CLIP4: variants seen among roughly 807,000 people sequenced by gnomAD.
CLIP4 encodes the protein CAP-Gly domain-containing linker protein 4.
Under a neutral mutation model 73.1 loss-of-function variants are expected in CLIP4, and 47 were observed. The observed-to-expected ratio is 0.64, with a 90% CI of 0.51 to 0.82. CLIP4 has a LOEUF of 0.82. CLIP4 is among the 40% of genes least tolerant of loss of function. CLIP4 has a pLI of 0.00. For synonymous variants in CLIP4, 306 were observed against 295.4 expected (o/e 1.04, Z -0.37); for missense variants, 874 against 852.9 (o/e 1.02, Z -0.31).
chr2:29,128,432 G>A (rs1315544027), intron 2 of CLIP4, among the ~76,000 whole-genome samples: 4 of 150,048 alleles, frequency 2.7e-5, no homozygotes, highest in Non-Finnish European at 5.9e-5. Flanking sequence ...CCATGTAGTT[G>A]TTAAAAAAAA....
At chr2:29,175,111 A>C (rs1039195967) in intron 15 of CLIP4, among the ~76,000 whole-genome samples, 3 of 152,174 alleles carry the variant, frequency 2.0e-5, no homozygotes, top group African/African-American at 7.2e-5. Context: ...GTGCTTGTTT[A>C]AGTAATGGGA....
intron 15 of CLIP4, among the ~76,000 whole-genome samples, chr2:29,181,237 T>A (rs560714456): frequency 1.3e-5 from 2 of 152,318 alleles, no homozygotes; most frequent in African/African-American, 4.8e-5. Context: ...TAGAAGCGGA[T>A]CATCATAAAG....
chr2:29,106,314 C>A (rs1668205871), intron 1 of CLIP4, among the ~76,000 whole-genome samples: 1 of 152,144 alleles, frequency 6.6e-6, no homozygotes. Flanking sequence ...ATCTCATTAC[C>A]CTTCTCACGT....
intron 1 of CLIP4, among the ~76,000 whole-genome samples, chr2:29,102,742 T>C (rs187126297): frequency 1.3e-3 from 195 of 152,084 alleles, no homozygotes; most frequent in African/African-American, 4.3e-3. Flanking sequence ...TCTCCTGCCT[T>C]AGCCTCCTGA....
At chr2:29,167,784 G>T (rs1341114140) in intron 14 of CLIP4, 1 of 341,030 alleles carries the variant, frequency 2.9e-6, no homozygotes, top group Non-Finnish European at 5.3e-6. Flanking sequence ...CCATCCTCAG[G>T]TGGAGGAGTC....
chr2:29,145,141 A>AGAGAGTG, intron 7 of CLIP4, 91 bp from the exon 8 acceptor site: 1 of 1,117,860 alleles, frequency 8.9e-7, no homozygotes, highest in South Asian at 1.8e-5. Flanking sequence ...TGAATTTTTA[A>AGAGAGTG]AAACTCCCAT....
At chr2:29,171,620 G>A (rs1463077176) in intron 14 of CLIP4, among the ~76,000 whole-genome samples, 6 of 150,890 alleles carry the variant, frequency 4.0e-5, no homozygotes, top group Admixed American at 1.3e-4. Context: ...CCGGGTTCAC[G>A]CCATCCTCCT....
At chr2:29,150,862 C>T (rs915692520) in intron 8 of CLIP4, among the ~76,000 whole-genome samples, 3 of 151,930 alleles carry the variant, frequency 2.0e-5, no homozygotes, top group East Asian at 1.9e-4. Flanking sequence ...TCAGGTGATC[C>T]GCTTGCCTCG....
intron 3 of CLIP4, 113 bp downstream of exon 3, chr2:29,131,510 G>A (rs1228972710): frequency 5.3e-6 from 6 of 1,142,070 alleles, no homozygotes; most frequent in Non-Finnish European, 7.3e-6. Flanking sequence ...TAAAAGTTCT[G>A]ATATTTATTT....
At chr2:29,104,481 T>G (rs1234217986) in intron 1 of CLIP4, among the ~76,000 whole-genome samples, 1 of 151,808 alleles carries the variant, frequency 6.6e-6, no homozygotes, top group African/African-American at 2.4e-5. Flanking sequence ...GCGACAGGGT[T>G]TTGCTATGTG....
chr2:29,097,885 G>A (rs904157636), exon 1 of CLIP4: 4 of 152,200 alleles, frequency 2.6e-5, no homozygotes, highest in Non-Finnish European at 4.4e-5. Flanking sequence ...TGGTGAGAAA[G>A]ACCCATGAGG....
At chr2:29,150,582 T>C (rs2148018360) in intron 8 of CLIP4, among the ~76,000 whole-genome samples, 1 of 152,146 alleles carries the variant, frequency 6.6e-6, no homozygotes, top group Admixed American at 6.6e-5. Context: ...CTGCCTGTAT[T>C]CACACATACA....
At chr2:29,159,043 C>A (rs1371342700) in intron 11 of CLIP4, among the ~76,000 whole-genome samples, 3 of 152,172 alleles carry the variant, frequency 2.0e-5, no homozygotes, top group Non-Finnish European at 4.4e-5. Context: ...CTAGGTGTAC[C>A]ACTTACTGGC....
chr2:29,148,983 C>A (rs1028837480), intron 8 of CLIP4, among the ~76,000 whole-genome samples: 1 of 149,178 alleles, frequency 6.7e-6, no homozygotes, highest in Non-Finnish European at 1.5e-5. Flanking sequence ...ATTTCATATT[C>A]TCTCAGTATA....
At chr2:29,128,428 A>G (rs1664753148) in intron 2 of CLIP4, among the ~76,000 whole-genome samples, 1 of 151,620 alleles carries the variant, frequency 6.6e-6, no homozygotes, top group African/African-American at 2.4e-5. Flanking sequence ...AAAGCCATGT[A>G]GTTGTTAAAA....
At chr2:29,121,331 T>C in intron 1 of CLIP4, 43 bp from the exon 2 acceptor site, 1 of 1,537,904 alleles carries the variant, frequency 6.5e-7, no homozygotes, top group Non-Finnish European at 8.7e-7. Context: ...CTAAGTTGCA[T>C]ACAAATAAAG....
chr2:29,180,281 G>A (rs866551662), intron 15 of CLIP4, among the ~76,000 whole-genome samples: 1 of 152,178 alleles, frequency 6.6e-6, no homozygotes, highest in Non-Finnish European at 1.5e-5. Flanking sequence ...TGTTTCTATT[G>A]TGGGTGAATA....
intron 9 of CLIP4, among the ~76,000 whole-genome samples, chr2:29,154,642 T>C (rs1054285537): frequency 4.6e-5 from 7 of 152,112 alleles, no homozygotes; most frequent in African/African-American, 1.7e-4. Context: ...AGGGAAATCA[T>C]AGAGAGGAGG....
chr2:29,145,708 G>A (rs942649913), intron 8 of CLIP4, among the ~76,000 whole-genome samples: 2 of 152,212 alleles, frequency 1.3e-5, no homozygotes, highest in South Asian at 4.1e-4. Context: ...TTGAGACGGA[G>A]TCTTGCTCTG....
Sources: allele counts gnomAD v4.1 joint callset (sites outside exome capture counted in the v4.1 genomes callset), GRCh38; gene constraint gnomAD v4.1.1; transcripts MANE v1.5; gene names NCBI Gene and HGNC (gene_info 2026-07-23, HGNC 2026-07-21).